DDR2: variants seen among roughly 807,000 people sequenced by gnomAD.
The protein encoded by DDR2 is discoidin domain-containing receptor 2.
A neutral mutation model predicts 94.9 loss-of-function variants in DDR2; 27 were observed. The ratio of observed to expected loss-of-function variants is 0.28; its 90% confidence interval spans 0.21 to 0.39. The LOEUF is 0.39. DDR2 is among the 10% of genes least tolerant of loss of function. The pLI is 1.00. For synonymous variants in DDR2, 382 were observed against 377.2 expected (o/e 1.01, Z -0.15); for missense variants, 783 against 1,076.0 (o/e 0.73, Z 3.81).
chr1:162,751,318 C>T (rs1663181714), intron 3 of DDR2, among the ~76,000 whole-genome samples: 1 of 152,016 alleles, frequency 6.6e-6, no homozygotes, highest in African/African-American at 2.4e-5. Context: ...CAAACAACCC[C>T]ATCAAAAAAT....
intron 3 of DDR2, among the ~76,000 whole-genome samples, chr1:162,723,308 G>A (rs918165243): frequency 2.6e-5 from 4 of 152,162 alleles, no homozygotes; most frequent in African/African-American, 9.7e-5. Context: ...TTCCCCTGTG[G>A]GATCCTTGAG....
At chr1:162,686,868 AC>A (rs1201799582) in intron 2 of DDR2, among the ~76,000 whole-genome samples, 1 of 152,200 alleles carries the variant, frequency 6.6e-6, no homozygotes, top group African/African-American at 2.4e-5. Flanking sequence ...ATGAGCCACC[AC>A]GCCTGGCCTA....
At chr1:162,778,490 G>A (rs2102205141) in intron 16 of DDR2, 90 bp from the exon 17 acceptor site, 1 of 1,513,906 alleles carries the variant, frequency 6.6e-7, no homozygotes, top group Non-Finnish European at 9.2e-7. Flanking sequence ...TGTGGTGGGG[G>A]AAGGGGTATA....
At chr1:162,674,973 G>A (rs1447419092) in intron 2 of DDR2, among the ~76,000 whole-genome samples, 1 of 151,916 alleles carries the variant, frequency 6.6e-6, no homozygotes, top group African/African-American at 2.4e-5. Context: ...GGCCAACATA[G>A]GGAAACCCTG....
chr1:162,714,056 G>T (rs933788129), intron 2 of DDR2, among the ~76,000 whole-genome samples: 3 of 152,116 alleles, frequency 2.0e-5, no homozygotes, highest in African/African-American at 7.2e-5. Context: ...GTGACTACTT[G>T]AGAGGTTGAA....
At chr1:162,716,671 T>A (rs569429847) in intron 2 of DDR2, among the ~76,000 whole-genome samples, 20 of 151,762 alleles carry the variant, frequency 1.3e-4, no homozygotes, top group Admixed American at 3.9e-4. Context: ...TTGCTTTGGA[T>A]CCATCCTCTT....
At chr1:162,725,393 TTTG>T (rs1238454711) in intron 3 of DDR2, among the ~76,000 whole-genome samples, 1 of 152,166 alleles carries the variant, frequency 6.6e-6, no homozygotes, top group Non-Finnish European at 1.5e-5. Flanking sequence ...TTTGTTTGTT[TTTG>T]GAGAGGGCAT....
chr1:162,642,627 A>G (rs1160501302), intron 1 of DDR2, among the ~76,000 whole-genome samples: 1 of 152,100 alleles, frequency 6.6e-6, no homozygotes, highest in Non-Finnish European at 1.5e-5. Context: ...GAAGGTGGTT[A>G]TTCCAGGAGG....
At position 162,741,192 on chromosome 1, in the gene DDR2, C is replaced by CA. The variant is rs1558057278; in HGVS notation, c.83-11902dup. Among the ~76,000 whole-genome samples the CA allele has an allele frequency of 9.0e-3, 312 of 34,760 alleles. 3 individuals are homozygous for CA. The highest frequency in any genetic ancestry group is 0.02 in the African/African-American group (298 of 14,692). 22.8% of individuals were successfully genotyped at this position (34,760 alleles called of 152,430 possible). A position where few individuals can be genotyped will look rare whatever the true frequency, so the allele number is the denominator to read the frequency against. ...TATAATATAATATAATATAACATAA[C>CA]ATAATACAATACAATACAATATAAT... On this transcript the variant is annotated intron_variant, in intron 3 of 17. Coordinates refer to ENST00000367921, the MANE Select transcript of DDR2 (RefSeq NM_006182.4).
intron 1 of DDR2, among the ~76,000 whole-genome samples, chr1:162,651,191 T>C (rs1375037146): frequency 1.3e-5 from 2 of 152,164 alleles, no homozygotes; most frequent in African/African-American, 4.8e-5. Flanking sequence ...CATCCCACTC[T>C]CCAAAGCCTT....
intron 2 of DDR2, among the ~76,000 whole-genome samples, chr1:162,669,226 T>G (rs1189818071): frequency 6.6e-6 from 1 of 152,214 alleles, no homozygotes; most frequent in East Asian, 1.9e-4. Flanking sequence ...ACTTATTAAA[T>G]TATTACTATA....
At chr1:162,773,446 G>A (rs1647343713) in intron 13 of DDR2, 23 bp from the exon 14 acceptor site, 1 of 1,612,390 alleles carries the variant, frequency 6.2e-7, no homozygotes, top group South Asian at 1.1e-5. Context: ...TGATGATGCT[G>A]AGACTAGATG....
intron 3 of DDR2, among the ~76,000 whole-genome samples, chr1:162,745,191 T>C (rs549599890): frequency 6.6e-6 from 1 of 152,360 alleles, no homozygotes; most frequent in East Asian, 1.9e-4. Flanking sequence ...ATATTTTTTG[T>C]TTCCTATCAA....
At chr1:162,672,298 T>TA (rs151043002) in intron 2 of DDR2, among the ~76,000 whole-genome samples, 7 of 152,128 alleles carry the variant, frequency 4.6e-5, no homozygotes, top group Admixed American at 3.3e-4. Context: ...GTAGTGCTTA[T>TA]AAAAAAAAGT....
rs766894711 is a variant in DDR2, at chr1:162,780,263, C to T, written c.*17C>T. ...GACGAGTGATGCTGTCAGTGCCTGG[C>T]CATGTTCCTACGGCTCAGGTCCTCC... On this transcript the variant is annotated 3_prime_UTR_variant, in exon 18 of 18. Transcript: ENST00000367921. 2.5e-6 allele frequency: 4 copies of T among 1,613,714 alleles called. No individual in the cohort carries two copies. In the East Asian group the frequency reaches 6.7e-5, roughly 27 times the overall value.
intron 3 of DDR2, among the ~76,000 whole-genome samples, chr1:162,728,596 G>T (rs1661839921): frequency 6.6e-6 from 1 of 152,130 alleles, no homozygotes; most frequent in Admixed American, 6.5e-5. Flanking sequence ...ATAATGCTAT[G>T]CCATGCTGTC....
chr1:162,728,893 A>G (rs1413746419), intron 3 of DDR2, among the ~76,000 whole-genome samples: 1 of 151,980 alleles, frequency 6.6e-6, no homozygotes, highest in Non-Finnish European at 1.5e-5. Flanking sequence ...ACTTTAGGTA[A>G]ATCTCTGCAC....
intron 2 of DDR2, among the ~76,000 whole-genome samples, chr1:162,689,840 CT>C (rs201029749): frequency 0.088 from 4,463 of 50,538 alleles, 1,976 homozygotes; most frequent in Middle Eastern, 0.11. Flanking sequence ...CCCATCTCTA[CT>C]TAAAAAAAAA....
intron 4 of DDR2, 37 bp from the exon 5 acceptor site, chr1:162,754,587 T>A: frequency 6.2e-7 from 1 of 1,602,858 alleles, no homozygotes; most frequent in Non-Finnish European, 8.5e-7. Flanking sequence ...TGTGGTTTCA[T>A]GGTTGCTCCC....
Sources: gnomAD v4.1 joint callset for allele counts (sites outside exome capture counted in the v4.1 genomes callset) on GRCh38, gnomAD v4.1.1 for gene constraint, MANE v1.5 for transcripts, NCBI Gene and HGNC (gene_info 2026-07-23, HGNC 2026-07-21) for gene names.